The following CNTNAP4 variants were observed in gnomAD, a reference collection of about 807,000 sequenced individuals.
CNTNAP4 encodes the protein contactin associated protein family member 4.
CNTNAP4 carries 98 observed loss-of-function variants against 148.4 expected under a neutral mutation model. That is an observed-to-expected ratio of 0.66 (90% CI 0.56 to 0.78). The LOEUF (loss-of-function observed/expected upper bound fraction) is 0.78. CNTNAP4 is among the 30% of genes least tolerant of loss of function. The probability of loss-of-function intolerance (pLI) is 0.00; values close to 1 mark genes in which losing one functional copy is unlikely to be tolerated. For missense variants in CNTNAP4, 1,935 were observed against 1,565.6 expected, an observed-to-expected ratio of 1.24 and a Z score of -3.98; for synonymous variants, 730 against 565.1, an observed-to-expected ratio of 1.29 and a Z score of -4.14.
At chr16:76,474,366 C>T (rs1597662181) in intron 10 of CNTNAP4, among the ~76,000 whole-genome samples, 1 of 152,016 alleles carries the variant, frequency 6.6e-6, no homozygotes, top group Non-Finnish European at 1.5e-5. Flanking sequence ...AGTAAACGCT[C>T]TAAGATAAGG....
intron 21 of CNTNAP4, among the ~76,000 whole-genome samples, chr16:76,552,278 G>T (rs1380221865): frequency 6.6e-6 from 1 of 152,118 alleles, no homozygotes; most frequent in Non-Finnish European, 1.5e-5. Flanking sequence ...CCCTTGACAC[G>T]TGGGGATTAT....
intron 8 of CNTNAP4, among the ~76,000 whole-genome samples, chr16:76,461,273 T>C (rs1460776540): frequency 6.6e-6 from 1 of 152,180 alleles, no homozygotes; most frequent in Non-Finnish European, 1.5e-5. Flanking sequence ...ATTGCCCTGT[T>C]TGACCTCAGC....
chr16:76,512,989 C>G (rs2083087068), intron 15 of CNTNAP4, among the ~76,000 whole-genome samples: 1 of 152,018 alleles, frequency 6.6e-6, no homozygotes, highest in Non-Finnish European at 1.5e-5. Context: ...GGATAAAAGC[C>G]TCAGATAGAT....
rs190138896 is a variant in CNTNAP4, at chr16:76,539,980, G to C, written c.3354+128G>C. The C allele has an allele frequency of 3.1e-4, 200 of 642,988 alleles. 1 individual carries two copies. The Middle Eastern group carries it at 7.6e-3, about 25-fold the overall frequency. The allele number at this position is 642,988 out of a possible 1,614,324, so 39.8% of individuals were successfully genotyped here. A position where few individuals can be genotyped will look rare whatever the true frequency, so the allele number is the denominator to read the frequency against. On this transcript the variant is annotated intron_variant, in intron 20 of 23. Transcript: ENST00000611870. Reference sequence around the variant, plus strand: ...CATTGGTCTTCTTCTGCAGATAATAGACCTCAAATGTAGTCAGGATTCTTT... The same window carrying C: ...CATTGGTCTTCTTCTGCAGATAATACACCTCAAATGTAGTCAGGATTCTTT...
intron 3 of CNTNAP4, among the ~76,000 whole-genome samples, chr16:76,411,420 G>C (rs34021411): frequency 0.36 from 53,790 of 151,050 alleles, 11,028 homozygotes; most frequent in Non-Finnish European, 0.44. Flanking sequence ...TATAATGTCT[G>C]TAGTGGGGAA....
At chr16:76,510,649 T>C (rs1215246941) in intron 15 of CNTNAP4, among the ~76,000 whole-genome samples, 2 of 152,200 alleles carry the variant, frequency 1.3e-5, no homozygotes, top group African/African-American at 4.8e-5. Flanking sequence ...TGTCTCGTCT[T>C]CTACTGCTTT....
intron 15 of CNTNAP4, among the ~76,000 whole-genome samples, chr16:76,520,758 GGTAA>G: frequency 6.6e-6 from 1 of 152,106 alleles, no homozygotes; most frequent in Non-Finnish European, 1.5e-5. Context: ...GTTTAAAGCA[GGTAA>G]GTGTTTTAAT....
intron 11 of CNTNAP4, among the ~76,000 whole-genome samples, chr16:76,477,929 A>C (rs1506814): frequency 3.3e-5 from 5 of 152,146 alleles, no homozygotes; most frequent in South Asian, 4.2e-4. Context: ...CCACAATTTG[A>C]TACAATAATT....
chr16:76,530,612 C>T (rs963681041), intron 17 of CNTNAP4, among the ~76,000 whole-genome samples: 5 of 152,174 alleles, frequency 3.3e-5, no homozygotes, highest in Admixed American at 2.0e-4. Flanking sequence ...GCTGCTACTA[C>T]GACTGGGGCA....
At chr16:76,401,509 C>A (rs1597428301) in intron 3 of CNTNAP4, among the ~76,000 whole-genome samples, 2 of 152,210 alleles carry the variant, frequency 1.3e-5, no homozygotes, top group East Asian at 3.9e-4. Context: ...AGTTTGACTT[C>A]CTCTCTTCCT....
At chr16:76,285,647 C>A (rs1958849681) in intron 1 of CNTNAP4, among the ~76,000 whole-genome samples, 1 of 151,886 alleles carries the variant, frequency 6.6e-6, no homozygotes, top group Non-Finnish European at 1.5e-5. Context: ...TTAAAAGCAC[C>A]ATGTAAATAT....
At chr16:76,325,166 A>C (rs565243540) in intron 2 of CNTNAP4, among the ~76,000 whole-genome samples, 1 of 152,346 alleles carries the variant, frequency 6.6e-6, no homozygotes, top group African/African-American at 2.4e-5. Context: ...TAGACAGTAC[A>C]TACAGAAATA....
rs148762542 is a variant in CNTNAP4, at chr16:76,464,373, G to A, written c.1483+2268G>A. ...AGGGACCTGGCTGGTACAGGCAGTG[G>A]GGTGATCAACTCTTGCCAACTTTAG... On this transcript the variant is annotated intron_variant, in intron 9 of 23. Transcript: ENST00000611870. Among the ~76,000 whole-genome samples, 238 of 152,220 alleles carry A rather than the reference G, an allele frequency of 1.6e-3. 3 individuals carry two copies. Among genetic ancestry groups the A allele is most frequent in the African/African-American group, 5.1e-3 (213 of 41,554 alleles).
intron 1 of CNTNAP4, among the ~76,000 whole-genome samples, chr16:76,302,972 C>G (rs972849466): frequency 6.6e-6 from 1 of 152,044 alleles, no homozygotes; most frequent in Non-Finnish European, 1.5e-5. Context: ...TGGAAAGAGT[C>G]CAGAGCTTAG....
At chr16:76,535,144 G>A (rs1568548083) in intron 17 of CNTNAP4, among the ~76,000 whole-genome samples, 1 of 152,200 alleles carries the variant, frequency 6.6e-6, no homozygotes, top group East Asian at 1.9e-4. Flanking sequence ...AGTTAAAACT[G>A]TACCAGAATC....
chr16:76,409,974 TATCAGACTTTGGAAGTA>T (rs1386911954), intron 3 of CNTNAP4, among the ~76,000 whole-genome samples: 7 of 151,942 alleles, frequency 4.6e-5, no homozygotes, highest in Non-Finnish European at 1.5e-5. Context: ...TTAATTTGGA[TATCAGACTTTGGAAGTA>T]AGTATTCTTA....
At chr16:76,438,316 A>T (rs1199168548) in intron 4 of CNTNAP4, among the ~76,000 whole-genome samples, 4 of 152,154 alleles carry the variant, frequency 2.6e-5, no homozygotes, top group African/African-American at 9.7e-5. Context: ...AGAGGTTTAA[A>T]AGTCTAAAGA....
intron 3 of CNTNAP4, among the ~76,000 whole-genome samples, chr16:76,369,788 G>C (rs1030345344): frequency 2.6e-5 from 4 of 152,200 alleles, no homozygotes; most frequent in Admixed American, 1.3e-4. Context: ...GTTGCAGTGA[G>C]CTGAGATTGT....
At chr16:76,485,374 C>A (rs979775925) in intron 12 of CNTNAP4, among the ~76,000 whole-genome samples, 1 of 152,192 alleles carries the variant, frequency 6.6e-6, no homozygotes, top group Non-Finnish European at 1.5e-5. Context: ...GCCTCAGCCT[C>A]CCAAAGTGCT....
Sources: allele counts gnomAD v4.1 joint callset (sites outside exome capture counted in the v4.1 genomes callset), GRCh38; gene constraint gnomAD v4.1.1; transcripts MANE v1.5; gene names NCBI Gene and HGNC (gene_info 2026-07-23, HGNC 2026-07-21).